Variants in C1QTNF3 observed in about 807,000 individuals in gnomAD.
The protein encoded by C1QTNF3 is complement C1q tumor necrosis factor-related protein 3.
C1QTNF3 carries 26 observed loss-of-function variants against 32.6 expected under a neutral mutation model. The observed-to-expected ratio is 0.80, with a 90% CI of 0.58 to 1.11. The LOEUF (loss-of-function observed/expected upper bound fraction) is 1.11, where lower values mean the gene tolerates loss of function less well. Among genes scored for constraint, C1QTNF3 ranks in the 50% least tolerant of loss-of-function variants. The pLI is 0.00. For missense variants in C1QTNF3, 362 were observed against 398.2 expected, an observed-to-expected ratio of 0.91 and a Z score of 0.77; for synonymous variants, 155 against 146.0, an observed-to-expected ratio of 1.06 and a Z score of -0.44.
At chr5:34,065,571 G>A in the C1QTNF3 span, among the ~76,000 whole-genome samples, 1 of 152,212 alleles carries the variant, frequency 6.6e-6, no homozygotes, top group East Asian at 1.9e-4. Context: ...GGAGACTGAG[G>A]CAGGAGAATC....
rs1052954617 is a variant in C1QTNF3 at position 34,020,085 on chromosome 5, G to A, written c.*498C>T. 4 of 154,926 alleles carry A rather than the reference G, an allele frequency of 2.6e-5. No individual in the cohort carries two copies. The highest frequency in any genetic ancestry group is 9.7e-5 in the African/African-American group (4 of 41,448). The allele number at this position is 154,926 out of a possible 1,614,324, so 9.6% of individuals were successfully genotyped here. Reference sequence around the variant, plus strand: ...GTGGATCAAAAGGAAAGGGTCAAAGGCTAAGCTGAACACGGAGGGCACTAA... The same window carrying A: ...GTGGATCAAAAGGAAAGGGTCAAAGACTAAGCTGAACACGGAGGGCACTAA... On this transcript the variant is annotated 3_prime_UTR_variant, in exon 6 of 6. Transcript: ENST00000382065.
the C1QTNF3 span, among the ~76,000 whole-genome samples, chr5:34,078,427 G>T: frequency 6.6e-6 from 1 of 152,014 alleles, no homozygotes; most frequent in Non-Finnish European, 1.5e-5. The surrounding 1 kb of genome is among the most constrained non-coding windows in gnomAD (Gnocchi z 4.0). Context: ...AATCATGGCG[G>T]AAGGGGAAGC....
the C1QTNF3 span, among the ~76,000 whole-genome samples, chr5:34,127,564 A>T: frequency 6.6e-6 from 1 of 150,572 alleles, no homozygotes; most frequent in Non-Finnish European, 1.5e-5. Flanking sequence ...TCAAGATTTG[A>T]CCTGGTGGTT....
chr5:34,244,315 T>C, the C1QTNF3 span, among the ~76,000 whole-genome samples: 1 of 152,172 alleles, frequency 6.6e-6, no homozygotes, highest in Non-Finnish European at 1.5e-5. Context: ...TGGTGAGTGT[T>C]ACAGCTCTGC....
chr5:34,210,271 A>C, the C1QTNF3 span, among the ~76,000 whole-genome samples: 1 of 152,048 alleles, frequency 6.6e-6, no homozygotes, highest in Non-Finnish European at 1.5e-5. Context: ...GAGAAAGAAA[A>C]AGAAGAAATA....
the C1QTNF3 span, among the ~76,000 whole-genome samples, chr5:34,126,894 G>A: frequency 2.0e-5 from 3 of 152,188 alleles, no homozygotes; most frequent in Admixed American, 6.5e-5. Flanking sequence ...CCTGATGGGA[G>A]GTGATTGAAT....
At chr5:34,119,213 C>A in the C1QTNF3 span, among the ~76,000 whole-genome samples, 1 of 152,198 alleles carries the variant, frequency 6.6e-6, no homozygotes, top group Admixed American at 6.5e-5. Context: ...TGATCAATAT[C>A]TCTGAGTGTT....
the C1QTNF3 span, among the ~76,000 whole-genome samples, chr5:34,236,298 G>C: frequency 6.6e-6 from 1 of 151,928 alleles, no homozygotes; most frequent in Non-Finnish European, 1.5e-5. Flanking sequence ...TGCTGAGGCA[G>C]GAGAATCGCT....
intron 3 of C1QTNF3, chr5:34,032,993 C>T: frequency 3.6e-6 from 1 of 275,014 alleles, no homozygotes; most frequent in Non-Finnish European, 6.8e-6. Flanking sequence ...CATCTTATTA[C>T]ATTCTTAAAA....
chr5:34,171,159 T>C, the C1QTNF3 span, among the ~76,000 whole-genome samples: 4 of 152,104 alleles, frequency 2.6e-5, no homozygotes, highest in Non-Finnish European at 5.9e-5. Context: ...TCATTTATTA[T>C]GGGCTTTGCT....
At chr5:34,076,485 C>A in the C1QTNF3 span, among the ~76,000 whole-genome samples, 17 of 151,460 alleles carry the variant, frequency 1.1e-4, no homozygotes, top group Admixed American at 2.6e-4. Flanking sequence ...AGATTACATA[C>A]ACATCTAGTA....
the C1QTNF3 span, among the ~76,000 whole-genome samples, chr5:34,132,931 T>C: frequency 6.6e-6 from 1 of 152,198 alleles, no homozygotes; most frequent in Non-Finnish European, 1.5e-5. Context: ...CTGATAATAC[T>C]GTCATTAACA....
the C1QTNF3 span, among the ~76,000 whole-genome samples, chr5:34,065,205 GA>G: frequency 6.6e-6 from 1 of 152,022 alleles, no homozygotes; most frequent in African/African-American, 2.4e-5. Context: ...GCAAAAGACA[GA>G]TAACCCCATT....
chr5:34,020,492 T>C lies in C1QTNF3; in HGVS notation c.*91A>G, dbSNP rs1754297895. ...ACCAATAATTTTTTGAATACAGCAA[T>C]GTAAAACCCTCAACTTTAATGTTCC... On this transcript the variant is annotated 3_prime_UTR_variant, in exon 6 of 6. Transcript: ENST00000382065. 3 of 1,456,208 alleles carry C rather than the reference T, an allele frequency of 2.1e-6. No individual in the cohort carries two copies. The South Asian group carries it at 3.9e-5, about 19-fold the overall frequency. The allele number at this position is 1,456,208 out of a possible 1,614,324, so 90.2% of individuals were successfully genotyped here.
the C1QTNF3 span, among the ~76,000 whole-genome samples, chr5:34,108,497 C>T: frequency 1.6e-4 from 25 of 152,130 alleles, no homozygotes; most frequent in African/African-American, 5.8e-4. Context: ...AAAGGAGACA[C>T]TTATATTTTG....
the C1QTNF3 span, among the ~76,000 whole-genome samples, chr5:34,101,141 A>G: frequency 3.3e-5 from 5 of 152,092 alleles, no homozygotes; most frequent in Non-Finnish European, 5.9e-5. Context: ...CCATTATTTT[A>G]GAAACTGAAA....
the C1QTNF3 span, among the ~76,000 whole-genome samples, chr5:34,134,030 A>T: frequency 6.6e-6 from 1 of 152,342 alleles, no homozygotes; most frequent in Non-Finnish European, 1.5e-5. Context: ...TTAGCTGTGA[A>T]TGACTTGATG....
At chr5:34,133,289 C>A in the C1QTNF3 span, among the ~76,000 whole-genome samples, 1 of 152,266 alleles carries the variant, frequency 6.6e-6, no homozygotes, top group East Asian at 1.9e-4. Context: ...CAGCTCTGAA[C>A]TTTATAGGTC....
At chr5:34,129,951 AT>A in the C1QTNF3 span, among the ~76,000 whole-genome samples, 13 of 152,044 alleles carry the variant, frequency 8.6e-5, no homozygotes, top group Admixed American at 5.9e-4. Flanking sequence ...AATTTTATTT[AT>A]TTTATGTGCA....
Sources: gnomAD v4.1 joint callset for allele counts (sites outside exome capture counted in the v4.1 genomes callset) on GRCh38, gnomAD v4.1.1 for gene constraint, Gnocchi (gnomAD v3.1) non-coding constraint, MANE v1.5 for transcripts, NCBI Gene and HGNC (gene_info 2026-07-23, HGNC 2026-07-21) for gene names.